The following IFT172 variants were observed in gnomAD, a reference collection of about 807,000 sequenced individuals.
The protein encoded by IFT172 is intraflagellar transport 172, also known as intraflagellar transport protein 172 homolog.
Under a neutral mutation model 248.9 loss-of-function variants are expected in IFT172, and 164 were observed. The ratio of observed to expected loss-of-function variants is 0.66; its 90% confidence interval spans 0.58 to 0.75. IFT172 has a LOEUF of 0.75. Ranked by LOEUF, IFT172 falls within the 30% of genes least tolerant of loss-of-function variation. The probability of loss-of-function intolerance (pLI) is 0.00; values close to 1 mark genes in which losing one functional copy is unlikely to be tolerated. For synonymous variants in IFT172, 729 were observed against 791.6 expected, an observed-to-expected ratio of 0.92 and a Z score of 1.33; for missense variants, 1,950 against 2,192.4, an observed-to-expected ratio of 0.89 and a Z score of 2.21.
intron 16 of IFT172, 112 bp from the exon 17 acceptor site, chr2:27,465,994 C>G (rs1667067035): frequency 8.2e-7 from 1 of 1,220,810 alleles, no homozygotes; most frequent in Admixed American, 2.1e-5. Context: ...AGAGTCACAG[C>G]GGCCCTGATT....
At chr2:27,467,607 T>C (rs2148519892) in intron 16 of IFT172, among the ~76,000 whole-genome samples, 1 of 84,748 alleles carries the variant, frequency 1.2e-5, no homozygotes, top group Admixed American at 1.7e-4. Context: ...AATGAGACCC[T>C]GTCTCCAAAA....
chr2:27,456,289 C>T lies in IFT172; in HGVS notation c.3371+222G>A, dbSNP rs140257887. Among the ~76,000 whole-genome samples, 133 of 152,294 alleles carry T rather than the reference C, an allele frequency of 8.7e-4. 2 individuals carry two copies. In the East Asian group the frequency reaches 0.025, roughly 29 times the overall value. On this transcript the variant is annotated intron_variant, in intron 30 of 47. Coordinates refer to ENST00000260570, the MANE Select transcript of IFT172 (RefSeq NM_015662.3). Reference sequence around the variant, plus strand: ...GAGTAAGTTATTGGTTTAGTGCAGTCTGCAGTCCTAGCTTTACAATCTGTT... The same window carrying T: ...GAGTAAGTTATTGGTTTAGTGCAGTTTGCAGTCCTAGCTTTACAATCTGTT...
At position 27,458,211 on chromosome 2, in the gene IFT172, A is replaced by AT; in HGVS notation, c.2889dup (p.Cys964MetfsTer26). On this transcript the variant is annotated frameshift_variant, in exon 27 of 48. Coordinates refer to ENST00000260570, the MANE Select transcript of IFT172 (RefSeq NM_015662.3). LOFTEE classifies it high-confidence loss of function. ...ACTGACACATCTTCTGGTCTCATGC[A>AT]TTTCATCGCCAGCTGTGGAGGCACA... is the stretch of plus-strand genomic sequence containing the variant. 6.2e-7 allele frequency: 1 copy of AT among 1,614,132 alleles called. No individual in the cohort carries two copies. Among genetic ancestry groups the AT allele is most frequent in the South Asian group, 1.1e-5 (1 of 91,080 alleles).
rs2148560500 is a variant in IFT172, at chr2:27,485,702, G to C, written c.40-199C>G. The stretch of plus-strand genomic sequence containing the variant: ...GGACTGTGAGAACAACAGGCTTCTA[G>C]AGACTCATATGCAAATGCACTAAGA... On this transcript the variant is annotated intron_variant, in intron 1 of 47. Transcript: ENST00000260570. 2.0e-5 allele frequency among the ~76,000 whole-genome samples: 3 copies of C among 152,330 alleles called. No individual in the cohort carries two copies. In the South Asian group the frequency reaches 6.2e-4, roughly 32 times the overall value.
rs1665662793 is a variant in IFT172 at position 27,451,420 on chromosome 2, C to A, written c.3952-1324G>T. Among the ~76,000 whole-genome samples, 3 of 152,188 alleles carry A rather than the reference C, an allele frequency of 2.0e-5. No individual in the cohort carries two copies. In the South Asian group the frequency reaches 6.2e-4, roughly 32 times the overall value. On this transcript the variant is annotated intron_variant, in intron 35 of 47. Coordinates refer to ENST00000260570, the MANE Select transcript of IFT172 (RefSeq NM_015662.3). ...TAGAACCTCAAAACCAATCATCAGC[C>A]CCTCTCTTTCTACTTCTCTCCCTCT... is the stretch of plus-strand genomic sequence containing the variant.
In IFT172 at chr2:27,459,762, G is replaced by A. The variant is rs751380223; in HGVS notation, c.2589C>T (p.His863=). The part of the protein sequence containing the change: ...VVKLEEAWGD[H]LVQQKQLDAA... ...CATCAAGCTGCTTCTGCTGCACCAG[G>A]TGGTCCCCCCATGCCTCCTCTAGTT... Residue 863 remains histidine, a synonymous_variant, in exon 24 of 48, where the codon CAC becomes CAT. Transcript: ENST00000260570. The A allele has an allele frequency of 6.2e-7, 1 of 1,613,032 alleles. No homozygotes were observed. Among genetic ancestry groups the A allele is most frequent in the Admixed American group, 1.7e-5 (1 of 60,016 alleles).
intron 18 of IFT172, 69 bp from the exon 19 acceptor site, chr2:27,463,250 C>T (rs766699202): frequency 1.1e-5 from 15 of 1,410,136 alleles, no homozygotes; most frequent in Non-Finnish European, 1.4e-5. Context: ...ATTGGTTCAG[C>T]AAATACAAAT....
chr2:27,465,670 T>C (rs1667034344), intron 17 of IFT172, 76 bp downstream of exon 17: 5 of 1,596,272 alleles, frequency 3.1e-6, no homozygotes, highest in Admixed American at 3.3e-5. Context: ...TGGCCAGTTT[T>C]ACACCCCACC....
At chr2:27,485,196 A>C in intron 2 of IFT172, 66 bp from the exon 3 acceptor site, 1 of 1,434,388 alleles carries the variant, frequency 7.0e-7, no homozygotes, top group Non-Finnish European at 9.6e-7. Context: ...GAGAAAAGAG[A>C]AAAAAAGGCA....
rs201941843 is a variant in IFT172 at position 27,481,030 on chromosome 2, T to C, written c.785+16A>G. 8.1e-6 allele frequency: 13 copies of C among 1,603,568 alleles called. No individual in the cohort carries two copies. The East Asian group carries it at 2.9e-4, about 36-fold the overall frequency. On this transcript the variant is annotated intron_variant, in intron 8 of 47. Transcript: ENST00000260570. ...AGGGAAAGTAGGCAGTAGATAAAAC[T>C]GGAAAGGGGACTTACCTGTCATAAC...
At chr2:27,459,334 C>T (rs1160028271) in intron 25 of IFT172, 44 bp downstream of exon 25, 6 of 1,603,100 alleles carry the variant, frequency 3.7e-6, no homozygotes, top group Non-Finnish European at 5.1e-6. Flanking sequence ...CATTGTTATC[C>T]TCTACTGCAT....
At position 27,454,093 on chromosome 2, in the gene IFT172, G is replaced by A. The variant is rs1406584809; in HGVS notation, c.3600C>T (p.Ala1200=). ...VAEAHDPDSV[A]EVLVGQARGA... ...CCCGGGCCTGTCCCACAAGCACCTC[G>A]GCGACACTGTCAGGGTCGTGAGCCT... The change falls in exon 33 of 48, where the codon GCC becomes GCT. Residue 1200 remains alanine, a synonymous_variant. Transcript: ENST00000260570. The surrounding 1 kb of genome is among the most constrained non-coding windows in gnomAD (Gnocchi z 4.2). The A allele has an allele frequency of 2.5e-6, 4 of 1,614,044 alleles. No individual in the cohort carries two copies. Among genetic ancestry groups the A allele is most frequent in the South Asian group, 1.1e-5 (1 of 91,074 alleles).
Position 27,445,174 on chromosome 2 carries a change from C to CT in IFT172, c.5069-70dup. The CT allele has an allele frequency of 6.2e-7, 1 of 1,600,778 alleles. No homozygotes were observed. Among genetic ancestry groups the CT allele is most frequent in the Non-Finnish European group, 8.5e-7 (1 of 1,171,850 alleles). On this transcript the variant is annotated intron_variant, in intron 46 of 47. Transcript: ENST00000260570. The surrounding 1 kb of genome is among the most constrained non-coding windows in gnomAD (Gnocchi z 4.4). ...TGAGGAGGGAAAAATGAGGAGCAGC[C>CT]TGGGGGGTAGAAAGCACAGTCCTGT... is the stretch of plus-strand genomic sequence containing the variant.
At position 27,449,998 on chromosome 2, in the gene IFT172, T is replaced by C. The variant is rs761898271; in HGVS notation, c.4050A>G (p.Ala1350=). The C allele has an allele frequency of 1.1e-5, 17 of 1,609,742 alleles. No homozygotes were observed. The highest frequency in any genetic ancestry group is 1.4e-5 in the Non-Finnish European group (17 of 1,176,192). The part of the protein sequence containing the change: ...PQLIGIGKHS[A]AAELYLNLDL... ...TGTTCCATCTCAGCATCCTACTTAC[T>C]GCACTGTGCTTTCCAATTCCAATCA... Residue 1350 remains alanine, a splice_region_variant and synonymous_variant, in exon 36 of 48, where the codon GCA becomes GCG. Transcript: ENST00000260570.
At chr2:27,472,213 G>T in intron 15 of IFT172, 37 bp downstream of exon 15, 2 of 1,472,348 alleles carry the variant, frequency 1.4e-6, no homozygotes, top group Non-Finnish European at 1.9e-6. Flanking sequence ...CCCTCTGTGG[G>T]CCAGCCAATG....
Position 27,453,594 on chromosome 2 carries a change from G to A in IFT172, c.3821+36C>T, listed in dbSNP as rs1439119063. ...CTGTGTATGCCTCATGACCCTCCCA[G>A]CCCTGCCAATGCTGCCTGGACCTCT... On this transcript the variant is annotated intron_variant, in intron 34 of 47. Coordinates refer to ENST00000260570, the MANE Select transcript of IFT172 (RefSeq NM_015662.3). 5 of 1,606,596 alleles carry A rather than the reference G, an allele frequency of 3.1e-6. No homozygotes were observed. In the South Asian group the frequency reaches 3.3e-5, roughly 11 times the overall value.
chr2:27,457,681 C>T lies in IFT172; in HGVS notation c.3186G>A (p.Val1062=), dbSNP rs143922405. 1,057 of 1,614,200 alleles carry T rather than the reference C, an allele frequency of 6.5e-4. No homozygotes were observed. The highest frequency in any genetic ancestry group is 8.8e-4 in the Admixed American group (53 of 60,018). Residue 1062 remains valine (V), a synonymous_variant, in exon 29 of 48, where the codon GTG becomes GTA. Coordinates refer to ENST00000260570, the MANE Select transcript of IFT172 (RefSeq NM_015662.3). ...AAAGCCCACTGGCCCGGTACATGTTCACTGTTGCCTTCCATTCCTGGGCCT... is the reference window on the plus strand; with the variant it reads ...AAAGCCCACTGGCCCGGTACATGTTTACTGTTGCCTTCCATTCCTGGGCCT... ...YLEAQEWKAT[V]NMYRASGLWE... is the part of the protein sequence containing the mutation.
At chr2:27,457,798 C>T (rs771758856) in intron 28 of IFT172, 43 bp from the exon 29 acceptor site, 2 of 1,614,002 alleles carry the variant, frequency 1.2e-6, no homozygotes, top group East Asian at 4.5e-5. Context: ...GGAGATGGAG[C>T]CTGGTTGGGG....
chr2:27,456,411 C>A (rs1270179127), intron 30 of IFT172, 100 bp downstream of exon 30: 2 of 1,454,240 alleles, frequency 1.4e-6, no homozygotes, highest in African/African-American at 2.8e-5. Flanking sequence ...TCTATCATGT[C>A]CTTCCAAGGA....
Sources: gnomAD v4.1 joint callset for allele counts (sites outside exome capture counted in the v4.1 genomes callset) on GRCh38, gnomAD v4.1.1 for gene constraint, Gnocchi (gnomAD v3.1) non-coding constraint, MANE v1.5 for transcripts, NCBI Gene and HGNC (gene_info 2026-07-23, HGNC 2026-07-21) for gene names.